Variants in SLC22A15 observed in about 807,000 individuals in gnomAD.
SLC22A15 encodes solute carrier family 22 member 15, also known as flipt 1.
Under a neutral mutation model 62.7 loss-of-function variants are expected in SLC22A15, and 45 were observed. That is an observed-to-expected ratio of 0.72 (90% CI 0.56 to 0.92). The LOEUF (loss-of-function observed/expected upper bound fraction) is 0.92. Ranked by LOEUF, SLC22A15 falls within the 40% of genes least tolerant of loss-of-function variation. The pLI, the probability that SLC22A15 is intolerant of heterozygous loss-of-function variation, is 0.00. For missense variants in SLC22A15, 622 were observed against 665.6 expected (o/e 0.93, Z 0.72); for synonymous variants, 264 against 267.0 (o/e 0.99, Z 0.11).
chr1:115,977,215 G>A (rs530775227), intron 1 of SLC22A15, among the ~76,000 whole-genome samples: 1 of 152,290 alleles, frequency 6.6e-6, no homozygotes, highest in African/African-American at 2.4e-5. Context: ...CTGGGCTTGA[G>A]GGGGCTTACT....
intron 2 of SLC22A15, among the ~76,000 whole-genome samples, chr1:115,996,515 C>T (rs1194208965): frequency 1.3e-5 from 2 of 150,670 alleles, no homozygotes; most frequent in Admixed American, 6.6e-5. Flanking sequence ...TATGCAAACC[C>T]TGAACATGTT....
intron 6 of SLC22A15, chr1:116,032,700 A>C (rs1010183358): frequency 5.3e-6 from 5 of 938,330 alleles, no homozygotes; most frequent in Non-Finnish European, 6.4e-6. Context: ...TGAGGCTTGG[A>C]GGCATGGAGA....
intron 11 of SLC22A15, 53 bp downstream of exon 11, chr1:116,066,761 A>T: frequency 2.0e-6 from 3 of 1,503,234 alleles, no homozygotes; most frequent in Non-Finnish European, 2.7e-6. Flanking sequence ...AGTTAATGAA[A>T]AAAAGAAGGT....
intron 10 of SLC22A15, 98 bp from the exon 11 acceptor site, chr1:116,066,422 G>A (rs575511152): frequency 9.1e-7 from 1 of 1,100,906 alleles, no homozygotes; most frequent in African/African-American, 1.6e-5. Context: ...TGAACTAGGT[G>A]GTAAACATGA....
intron 2 of SLC22A15, among the ~76,000 whole-genome samples, chr1:116,003,470 T>C (rs1484491683): frequency 2.6e-5 from 4 of 152,172 alleles, no homozygotes; most frequent in Non-Finnish European, 5.9e-5. Context: ...TAGCTTGCAG[T>C]GGTGGGACTA....
At chr1:116,039,883 C>T (rs546391507) in intron 8 of SLC22A15, among the ~76,000 whole-genome samples, 95 of 152,220 alleles carry the variant, frequency 6.2e-4, no homozygotes, top group African/African-American at 2.2e-3. Context: ...CTTTAGGCTA[C>T]ATTTATAAAA....
intron 2 of SLC22A15, among the ~76,000 whole-genome samples, chr1:115,993,471 C>T (rs1163533860): frequency 5.4e-5 from 8 of 147,988 alleles, no homozygotes; most frequent in Admixed American, 1.3e-4. Context: ...GTCTGTCTGT[C>T]TGTCTGTATA....
At chr1:116,004,608 T>C (rs1248091553) in intron 2 of SLC22A15, among the ~76,000 whole-genome samples, 1 of 152,200 alleles carries the variant, frequency 6.6e-6, no homozygotes, top group Non-Finnish European at 1.5e-5. Flanking sequence ...GATTAATGCC[T>C]CTATATTTGT....
chr1:116,060,378 TC>T (rs779430372), intron 8 of SLC22A15, among the ~76,000 whole-genome samples: 1 of 152,180 alleles, frequency 6.6e-6, no homozygotes, highest in Non-Finnish European at 1.5e-5. Context: ...GAGCCAGGCT[TC>T]CCAAATGGGC....
intron 2 of SLC22A15, among the ~76,000 whole-genome samples, chr1:116,004,356 G>A (rs545043663): frequency 5.9e-5 from 9 of 152,086 alleles, no homozygotes; most frequent in Admixed American, 1.3e-4. Flanking sequence ...TGTTCTAGTC[G>A]GCCATCTTGC....
Position 116,026,991 on chromosome 1 carries a change from C to T in SLC22A15, c.697C>T (p.Leu233=). Residue 233 remains leucine (L), a synonymous_variant, in exon 5 of 12, where the codon CTG becomes TTG. Transcript: ENST00000369503. The part of the protein sequence containing the change: ...SWRTLAILVN[L]QGTVVFLLSL... ...GAGGACCCTAGCCATTCTGGTTAAC[C>T]TGCAGGGAACGGTGGTCTTTCTCTT... 1 of 1,613,918 alleles carries T rather than the reference C, an allele frequency of 6.2e-7. No individual in the cohort carries two copies. The highest frequency in any genetic ancestry group is 1.1e-5 in the South Asian group (1 of 91,078).
chr1:115,978,099 G>A (rs1654406984), intron 1 of SLC22A15, among the ~76,000 whole-genome samples: 1 of 152,042 alleles, frequency 6.6e-6, no homozygotes, highest in Non-Finnish European at 1.5e-5. Flanking sequence ...CATGATGCCT[G>A]ATCTTTATTT....
At chr1:116,058,544 G>A (rs1431583760) in intron 8 of SLC22A15, among the ~76,000 whole-genome samples, 5 of 152,132 alleles carry the variant, frequency 3.3e-5, no homozygotes, top group African/African-American at 4.8e-5. Context: ...CAGCCACTAT[G>A]GAAAACCGTG....
chr1:116,020,566 C>CA (rs924158285), intron 3 of SLC22A15, among the ~76,000 whole-genome samples, 155 bp from the exon 4 acceptor site: 17 of 147,378 alleles, frequency 1.2e-4, no homozygotes, highest in Admixed American at 2.0e-4. Context: ...AAAAAAAAAA[C>CA]AAAAAAACAA....
At chr1:115,987,562 G>A (rs1654934883) in intron 1 of SLC22A15, among the ~76,000 whole-genome samples, 3 of 152,168 alleles carry the variant, frequency 2.0e-5, no homozygotes. Flanking sequence ...GCTAGTATTA[G>A]TAAGTCAACC....
chr1:116,019,456 C>A, intron 2 of SLC22A15, 126 bp from the exon 3 acceptor site: 1 of 885,868 alleles, frequency 1.1e-6, no homozygotes, highest in Non-Finnish European at 1.7e-6. Flanking sequence ...ACAAATTCTA[C>A]TGAATTCTGG....
chr1:115,991,391 C>G (rs1260313319), intron 1 of SLC22A15, among the ~76,000 whole-genome samples: 1 of 152,180 alleles, frequency 6.6e-6, no homozygotes, highest in Non-Finnish European at 1.5e-5. Flanking sequence ...CAAACCAAGA[C>G]TAGGTACAAC....
intron 7 of SLC22A15, among the ~76,000 whole-genome samples, chr1:116,036,081 G>C (rs767915568): frequency 6.6e-6 from 1 of 152,112 alleles, no homozygotes; most frequent in Non-Finnish European, 1.5e-5. Context: ...GGGCAGGTTT[G>C]GATTCTGTTA....
chr1:115,981,732 A>G (rs1654618558), intron 1 of SLC22A15, among the ~76,000 whole-genome samples: 2 of 152,248 alleles, frequency 1.3e-5, no homozygotes, highest in African/African-American at 2.4e-5. Flanking sequence ...ATGGAAAGCA[A>G]CTAGACTGAT....
Sources: gnomAD v4.1 joint callset for allele counts (sites outside exome capture counted in the v4.1 genomes callset) on GRCh38, gnomAD v4.1.1 for gene constraint, MANE v1.5 for transcripts, NCBI Gene and HGNC (gene_info 2026-07-23, HGNC 2026-07-21) for gene names.